The following RBFOX2 variants were observed in gnomAD, a reference collection of about 807,000 sequenced individuals.
RBFOX2 encodes RNA binding protein fox-1 homolog 2.
A neutral mutation model predicts 49.1 loss-of-function variants in RBFOX2; 10 were observed. The ratio of observed to expected loss-of-function variants is 0.20; its 90% CI spans 0.13 to 0.35. The LOEUF (loss-of-function observed/expected upper bound fraction) is 0.35. RBFOX2 is among the 10% of genes least tolerant of loss of function. RBFOX2 has a pLI of 1.00. For synonymous variants in RBFOX2, 183 were observed against 187.4 expected (o/e 0.98, Z 0.19); for missense variants, 323 against 486.9 (o/e 0.66, Z 3.17).
At chr22:35,834,800 G>A (rs1428233012) in intron 1 of RBFOX2, among the ~76,000 whole-genome samples, 1 of 152,150 alleles carries the variant, frequency 6.6e-6, no homozygotes, top group East Asian at 1.9e-4. Context: ...GAGACAGCCA[G>A]GTTCCTGATC....
At chr22:35,800,166 C>T (rs1478177480) in intron 2 of RBFOX2, among the ~76,000 whole-genome samples, 1 of 151,978 alleles carries the variant, frequency 6.6e-6, no homozygotes, top group Non-Finnish European at 1.5e-5. Context: ...TTTGTGCTAC[C>T]TCTTATCTTA....
intron 2 of RBFOX2, among the ~76,000 whole-genome samples, chr22:35,783,194 C>G (rs1031222185): frequency 1.6e-4 from 25 of 152,134 alleles, no homozygotes; most frequent in Admixed American, 5.9e-4. Context: ...AGGAGGGAGG[C>G]AACTCATCCC....
At chr22:36,017,672 C>A (rs1182794499) in intron 1 of RBFOX2, among the ~76,000 whole-genome samples, 2 of 152,198 alleles carry the variant, frequency 1.3e-5, no homozygotes, top group African/African-American at 4.8e-5. Context: ...ACTCCAGAAT[C>A]CTGCAGCAGC....
chr22:35,953,210 CA>C (rs34387129), intron 1 of RBFOX2, among the ~76,000 whole-genome samples: 341 of 22,436 alleles, frequency 0.015, no homozygotes, highest in Non-Finnish European at 0.021. Context: ...GACTCCATCT[CA>C]AAAAAAAAAA....
At chr22:35,988,955 C>T (rs1432391960) in intron 1 of RBFOX2, among the ~76,000 whole-genome samples, 1 of 152,164 alleles carries the variant, frequency 6.6e-6, no homozygotes, top group Non-Finnish European at 1.5e-5. Context: ...CTTGGGAGAC[C>T]GAGGCGGGCA....
intron 1 of RBFOX2, among the ~76,000 whole-genome samples, chr22:35,947,470 C>G (rs1313400338): frequency 6.6e-6 from 1 of 150,580 alleles, no homozygotes; most frequent in Non-Finnish European, 1.5e-5. Context: ...AAAGTTACCT[C>G]AGGGAGGTCC....
At chr22:35,870,558 C>T (rs2044248428) in intron 1 of RBFOX2, among the ~76,000 whole-genome samples, 1 of 152,136 alleles carries the variant, frequency 6.6e-6, no homozygotes, top group Non-Finnish European at 1.5e-5. Context: ...ATCTGGATCA[C>T]ATTATGAACA....
At chr22:35,755,355 A>G (rs1203421957) in intron 9 of RBFOX2, among the ~76,000 whole-genome samples, 1 of 152,230 alleles carries the variant, frequency 6.6e-6, no homozygotes. Context: ...TGACAAACCA[A>G]TCATGGAACT....
At position 35,972,697 on chromosome 22, in the gene RBFOX2, TTAAAGAAA is replaced by T. The variant is rs549991476; in HGVS notation, c.187-33808_187-33801del. Among the ~76,000 whole-genome samples the T allele has an allele frequency of 3.3e-5, 5 of 152,268 alleles. No homozygotes were observed. The South Asian group carries it at 1.0e-3, about 32-fold the overall frequency. ...CCGGTTTCACCTAGGAATCATCACT[TTAAAGAAA>T]TGTTATTACCTACCAAAGACTGTAC... On this transcript the variant is annotated intron_variant, in intron 1 of 13. Transcript: ENST00000438146.
intron 1 of RBFOX2, among the ~76,000 whole-genome samples, chr22:35,926,615 G>C (rs574405867): frequency 6.6e-6 from 1 of 152,122 alleles, no homozygotes; most frequent in Non-Finnish European, 1.5e-5. Flanking sequence ...CAAAGCTAGG[G>C]GGAAAAGTCA....
chr22:35,974,075 C>T (rs1249830716), intron 1 of RBFOX2, among the ~76,000 whole-genome samples: 1 of 152,194 alleles, frequency 6.6e-6, no homozygotes, highest in Non-Finnish European at 1.5e-5. Context: ...AACATTAATA[C>T]ACTTCAAATT....
chr22:35,746,598 C>T (rs1344082521), intron 9 of RBFOX2, 37 bp from the exon 12 acceptor site: 23 of 1,381,824 alleles, frequency 1.7e-5, no homozygotes, highest in Non-Finnish European at 2.2e-5. Context: ...ACAGATACCT[C>T]TCCCCCCAGG....
At chr22:35,762,535 C>G (rs1169703650) in intron 6 of RBFOX2, among the ~76,000 whole-genome samples, 2 of 125,406 alleles carry the variant, frequency 1.6e-5, no homozygotes, top group Non-Finnish European at 1.6e-5. Context: ...GAGACAGAGT[C>G]TTGCTCTGTC....
chr22:35,938,903 A>G (rs1330059100), upstream of RBFOX2: 1 of 1,611,868 alleles, frequency 6.2e-7, no homozygotes, highest in African/African-American at 1.3e-5. Flanking sequence ...TCGTTCTATG[A>G]GAAAGACAAG....
chr22:35,859,795 T>C (rs997625367), intron 1 of RBFOX2, among the ~76,000 whole-genome samples: 3 of 152,156 alleles, frequency 2.0e-5, no homozygotes, highest in African/African-American at 7.2e-5. Flanking sequence ...ACTCCTGACC[T>C]CAAGTGATCT....
In RBFOX2 at chr22:35,784,526, G is replaced by A. The variant is rs182575517; in HGVS notation, c.253-2780C>T. 1.6e-3 allele frequency among the ~76,000 whole-genome samples: 249 copies of A among 152,348 alleles called. 4 individuals are homozygous for A. Among genetic ancestry groups the A allele is most frequent in the Admixed American group, 0.014 (218 of 15,312 alleles). ...CAGGCCAGCCTTTGCTGTCCACGCAGGGAGGCAGGCAGGCAGTCAGGCAGT... is the reference window on the plus strand; with the variant it reads ...CAGGCCAGCCTTTGCTGTCCACGCAAGGAGGCAGGCAGGCAGTCAGGCAGT... On this transcript the variant is annotated intron_variant, in intron 2 of 11. Coordinates refer to ENST00000405409, the Ensembl canonical transcript of RBFOX2.
chr22:36,000,255 C>T (rs377363248), intron 1 of RBFOX2: 1 of 152,092 alleles, frequency 6.6e-6, no homozygotes, highest in African/African-American at 2.4e-5. Flanking sequence ...CCAACCTCGG[C>T]CTCCTAAAGT....
intron 3 of RBFOX2, among the ~76,000 whole-genome samples, chr22:35,780,015 A>G (rs1944779977): frequency 6.6e-6 from 1 of 152,208 alleles, no homozygotes; most frequent in Non-Finnish European, 1.5e-5. Flanking sequence ...CTAATAATTC[A>G]GTAGAGAACC....
chr22:35,780,941 A>C (rs996808534), intron 3 of RBFOX2, among the ~76,000 whole-genome samples: 2 of 152,200 alleles, frequency 1.3e-5, no homozygotes, highest in Non-Finnish European at 2.9e-5. Context: ...CCCTGAACCT[A>C]GTTTCTTTGG....
Sources: allele counts gnomAD v4.1 joint callset (sites outside exome capture counted in the v4.1 genomes callset), GRCh38; gene constraint gnomAD v4.1.1; transcripts MANE v1.5; gene names NCBI Gene and HGNC (gene_info 2026-07-23, HGNC 2026-07-21).